DCBLD1: variants seen among roughly 807,000 people sequenced by gnomAD.
DCBLD1 encodes discoidin, CUB and LCCL domain containing 1.
In DCBLD1, 57 loss-of-function variants were observed where a neutral mutation model predicts 71.5. The ratio of observed to expected loss-of-function variants is 0.80; its 90% CI spans 0.64 to 0.99. The LOEUF is 0.99. Ranked by LOEUF, DCBLD1 falls within the 50% of genes least tolerant of loss-of-function variation. The pLI, the probability that DCBLD1 is intolerant of heterozygous loss-of-function variation, is 0.00. For missense variants in DCBLD1, 891 were observed against 923.5 expected, an observed-to-expected ratio of 0.96 and a Z score of 0.46; for synonymous variants, 380 against 363.8, an observed-to-expected ratio of 1.04 and a Z score of -0.51.
At chr6:117,557,529 G>A (rs1051986710) in intron 14 of DCBLD1, among the ~76,000 whole-genome samples, 5 of 152,126 alleles carry the variant, frequency 3.3e-5, no homozygotes, top group African/African-American at 1.2e-4. Flanking sequence ...AGCACTTTGG[G>A]AGGCGGATGG....
chr6:117,549,290 T>C lies in DCBLD1; in HGVS notation c.*851T>C, dbSNP rs903043474. Reference sequence around the variant, plus strand: ...GACTTTCTTCAGAAGTAGCACATTTTCGTGACTTCCGCTGTCCTCTGAAAA... The same window carrying C: ...GACTTTCTTCAGAAGTAGCACATTTCCGTGACTTCCGCTGTCCTCTGAAAA... On this transcript the variant is annotated 3_prime_UTR_variant, in exon 15 of 15. Coordinates refer to ENST00000338728, the MANE Select transcript of DCBLD1 (RefSeq NM_001366458.2). 1 of 985,458 alleles carries C rather than the reference T, an allele frequency of 1.0e-6. No individual in the cohort carries two copies. Among genetic ancestry groups the C allele is most frequent in the Non-Finnish European group, 1.2e-6 (1 of 829,938 alleles). The allele number at this position is 985,458 out of a possible 1,614,324, so 61.0% of individuals were successfully genotyped here. A position where few individuals can be genotyped will look rare whatever the true frequency, so the allele number is the denominator to read the frequency against.
At chr6:117,536,719 TG>T (rs1778894949) in intron 6 of DCBLD1, among the ~76,000 whole-genome samples, 1 of 152,096 alleles carries the variant, frequency 6.6e-6, no homozygotes, top group Non-Finnish European at 1.5e-5. Context: ...ACGAGATCTG[TG>T]GGGAAGGCAG....
intron 4 of DCBLD1, among the ~76,000 whole-genome samples, chr6:117,521,928 T>G (rs1667371963): frequency 6.6e-6 from 1 of 152,220 alleles, no homozygotes; most frequent in Admixed American, 6.5e-5. Flanking sequence ...TAGGGCGGAT[T>G]TGGCTCACAG....
At position 117,519,697 on chromosome 6, in the gene DCBLD1, T is replaced by C. The variant is rs943430377; in HGVS notation, c.326-119T>C. ...AAGCTAAATTTCAGTTGGTAAAGAT[T>C]ATAATCATACATATGTATTGTCTAG... On this transcript the variant is annotated intron_variant, in intron 2 of 14. Transcript: ENST00000338728. 139 of 1,306,324 alleles carry C rather than the reference T, an allele frequency of 1.1e-4. No homozygotes were observed. In the Middle Eastern group the frequency reaches 1.4e-3, roughly 13 times the overall value. The allele number at this position is 1,306,324 out of a possible 1,614,324, so 80.9% of individuals were successfully genotyped here.
Position 117,482,938 on chromosome 6 carries a change from G to T in DCBLD1, c.112+45G>T, listed in dbSNP as rs951330647. 27 of 1,158,922 alleles carry T rather than the reference G, an allele frequency of 2.3e-5. No homozygotes were observed. In the Admixed American group the frequency reaches 1.1e-3, roughly 45 times the overall value. 71.8% of individuals were successfully genotyped at this position (1,158,922 alleles called of 1,614,324 possible). On this transcript the variant is annotated intron_variant, in intron 1 of 14. Transcript: ENST00000338728. ...CTGGCGGCGGGACCCGAGGCGCCAG[G>T]GGCGGGCTGAGGGCTGCGGGGCGGG...
chr6:117,531,919 C>T (rs1048566516), intron 5 of DCBLD1, among the ~76,000 whole-genome samples: 3 of 152,276 alleles, frequency 2.0e-5, no homozygotes, highest in Admixed American at 6.5e-5. Flanking sequence ...TGAGGGTGAG[C>T]AATTTGCCTC....
intron 14 of DCBLD1, among the ~76,000 whole-genome samples, chr6:117,547,419 G>T (rs955548103): frequency 6.6e-6 from 1 of 152,176 alleles, no homozygotes; most frequent in Admixed American, 6.5e-5. Context: ...AAGAGTAGGA[G>T]CTCTATAAAT....
At chr6:117,524,826 C>T (rs761750455) in intron 4 of DCBLD1, among the ~76,000 whole-genome samples, 2 of 151,982 alleles carry the variant, frequency 1.3e-5, no homozygotes, top group South Asian at 2.1e-4. Flanking sequence ...TGTGACTACT[C>T]GAATATTTAA....
chr6:117,524,910 C>T (rs1034841247), intron 4 of DCBLD1, among the ~76,000 whole-genome samples: 5 of 152,144 alleles, frequency 3.3e-5, no homozygotes, highest in Non-Finnish European at 5.9e-5. Flanking sequence ...GTATGTATAA[C>T]ACGGAAAGTG....
Position 117,501,333 on chromosome 6 carries a change from A to ATTG in DCBLD1, c.113-2415_113-2413dup, listed in dbSNP as rs550073025. ...GTGGTTGTCACGTCTTTCAGTTGTC[A>ATTG]TTGTTGTTGTTGTTGTTGTTGAGAC... On this transcript the variant is annotated intron_variant, in intron 1 of 14. Transcript: ENST00000338728. Among the ~76,000 whole-genome samples, 464 of 80,436 alleles carry ATTG rather than the reference A, an allele frequency of 5.8e-3. 4 individuals carry two copies. The highest frequency in any genetic ancestry group is 0.038 in the Admixed American group (349 of 9,128). The allele number at this position is 80,436 out of a possible 152,430, so 52.8% of individuals were successfully genotyped here.
chr6:117,521,222 T>C (rs1349287627), intron 3 of DCBLD1, among the ~76,000 whole-genome samples: 1 of 152,234 alleles, frequency 6.6e-6, no homozygotes, highest in Non-Finnish European at 1.5e-5. Context: ...ATGGTCTTCA[T>C]AGGCATATAG....
At chr6:117,565,488 T>C (rs1779678122) in intron 14 of DCBLD1, among the ~76,000 whole-genome samples, 1 of 152,224 alleles carries the variant, frequency 6.6e-6, no homozygotes, top group Non-Finnish European at 1.5e-5. Flanking sequence ...GAATGGATCT[T>C]TTCCCATGCA....
At chr6:117,507,210 T>C (rs1777872486) in intron 2 of DCBLD1, among the ~76,000 whole-genome samples, 1 of 152,242 alleles carries the variant, frequency 6.6e-6, no homozygotes, top group African/African-American at 2.4e-5. Context: ...TTCCCCACCA[T>C]GTCAATTTTG....
intron 2 of DCBLD1, among the ~76,000 whole-genome samples, chr6:117,509,346 C>G (rs920247996): frequency 6.6e-6 from 1 of 152,120 alleles, no homozygotes; most frequent in Non-Finnish European, 1.5e-5. Flanking sequence ...GCAAGAGGAT[C>G]ACTTGAATTC....
At chr6:117,555,362 CA>C (rs991620321) in intron 14 of DCBLD1, among the ~76,000 whole-genome samples, 3 of 151,980 alleles carry the variant, frequency 2.0e-5, no homozygotes, top group Non-Finnish European at 4.4e-5. Flanking sequence ...TCTGAAAAAT[CA>C]GGGTTTTTTT....
chr6:117,544,527 GGAA>G lies in DCBLD1; in HGVS notation c.1455_1457del (p.Lys486del). 1.1e-3 allele frequency: 1,699 copies of G among 1,613,428 alleles called. 11 individuals are homozygous for G. The African/African-American group carries it at 0.017, about 16-fold the overall frequency. On this transcript the variant is annotated inframe_deletion and splice_region_variant, in exon 13 of 15. Transcript: ENST00000338728. Reference sequence around the variant, plus strand: ...TTCAGTAGGACTTTTTGTCTTGATAGGAAGAAGAAGAAAGGAAGTCCGTATGGA... The same window carrying G: ...TTCAGTAGGACTTTTTGTCTTGATAGGAAGAAGAAAGGAAGTCCGTATGGA...
At chr6:117,543,017 CT>C in intron 11 of DCBLD1, 106 bp from the exon 12 acceptor site, 1 of 875,262 alleles carries the variant, frequency 1.1e-6, no homozygotes, top group South Asian at 1.5e-5. Flanking sequence ...CATTTTCCCC[CT>C]ATATTAAATG....
At chr6:117,551,619 T>C (rs561972523), downstream of DCBLD1, among the ~76,000 whole-genome samples, 20 of 152,260 alleles carry the variant, frequency 1.3e-4, no homozygotes, top group South Asian at 4.1e-3. Flanking sequence ...GACCTCGTGA[T>C]CCGCCATCCT....
Position 117,482,725 on chromosome 6 carries a change from C to A in DCBLD1, c.-57C>A, listed in dbSNP as rs1159993521. The A allele has an allele frequency of 1.2e-5, 13 of 1,110,408 alleles. No individual in the cohort carries two copies. The highest frequency in any genetic ancestry group is 1.4e-5 in the Non-Finnish European group (13 of 910,954). 68.8% of individuals were successfully genotyped at this position (1,110,408 alleles called of 1,614,324 possible). A position where few individuals can be genotyped will look rare whatever the true frequency, so the allele number is the denominator to read the frequency against. On this transcript the variant is annotated 5_prime_UTR_variant, in exon 1 of 15. Transcript: ENST00000338728. ...GGAGGCGGCCCGGCCCGGGCAGCTG[C>A]GGCTCGGGATCCGTCGAGGGGAGGC...
Sources: gnomAD v4.1 joint callset for allele counts (sites outside exome capture counted in the v4.1 genomes callset) on GRCh38, gnomAD v4.1.1 for gene constraint, MANE v1.5 for transcripts, NCBI Gene and HGNC (gene_info 2026-07-23, HGNC 2026-07-21) for gene names.